METTL25: variants seen among roughly 807,000 people sequenced by gnomAD.
METTL25 encodes methyltransferase like 25, also known as probable methyltransferase-like protein 25.
In METTL25, 64 loss-of-function variants were observed where a neutral mutation model predicts 71.6. The ratio of observed to expected loss-of-function variants is 0.89; its 90% CI spans 0.73 to 1.10. The LOEUF is 1.10. Among genes scored for constraint, METTL25 ranks in the 50% least tolerant of loss-of-function variants. The pLI is 0.00. For missense variants in METTL25, 807 were observed against 707.0 expected (o/e 1.14, Z -1.60); for synonymous variants, 287 against 250.3 (o/e 1.15, Z -1.38).
At position 82,423,410 on chromosome 12, in the gene METTL25, T is replaced by C. The variant is rs185276595; in HGVS notation, c.1280-7483T>C. ...ATTAATTCAAGATGGATTAAAGACT[T>C]ACATGTTAGACCGAAAACCATAAAA... On this transcript the variant is annotated intron_variant, in intron 5 of 11. Transcript: ENST00000248306. Among the ~76,000 whole-genome samples, 1,191 of 152,260 alleles carry C rather than the reference T, an allele frequency of 7.8e-3. 12 individuals are homozygous for C. The highest frequency in any genetic ancestry group is 0.027 in the African/African-American group (1,126 of 41,522).
intron 1 of METTL25, among the ~76,000 whole-genome samples, chr12:82,377,771 A>G (rs531982838): frequency 1.3e-5 from 2 of 152,324 alleles, no homozygotes; most frequent in South Asian, 2.1e-4. Context: ...AGTAATGTTA[A>G]TATCTTAGGT....
Position 82,404,036 on chromosome 12 carries a change from G to C in METTL25, c.1279+906G>C, listed in dbSNP as rs201520598. On this transcript the variant is annotated intron_variant, in intron 5 of 11. Coordinates refer to ENST00000248306, the MANE Select transcript of METTL25 (RefSeq NM_032230.3). ...ATTTCTTATTTAGTCATGCCCAGGA[G>C]GTAAACATTGTAATTGTTTAATTTT... is the stretch of plus-strand genomic sequence containing the variant. Among the ~76,000 whole-genome samples the C allele has an allele frequency of 3.4e-4, 51 of 152,114 alleles. No homozygotes were observed. In the East Asian group the frequency reaches 8.9e-3, roughly 27 times the overall value.
chr12:82,368,654 C>T (rs902394336), intron 1 of METTL25, among the ~76,000 whole-genome samples: 6 of 152,100 alleles, frequency 3.9e-5, no homozygotes, highest in African/African-American at 1.4e-4. Flanking sequence ...AGTTATAAGT[C>T]AATTGAATAA....
At chr12:82,407,448 A>G (rs373034423) in intron 5 of METTL25, among the ~76,000 whole-genome samples, 1 of 152,244 alleles carries the variant, frequency 6.6e-6, no homozygotes, top group African/African-American at 2.4e-5. Context: ...TTCCCTCCCT[A>G]TAGGAATAGT....
intron 1 of METTL25, among the ~76,000 whole-genome samples, chr12:82,362,602 G>T (rs1882077997): frequency 6.6e-6 from 1 of 152,160 alleles, no homozygotes; most frequent in South Asian, 2.1e-4. Flanking sequence ...CATAAAACTT[G>T]TAGGCTGTAC....
chr12:82,424,950 T>C (rs775023388), intron 5 of METTL25, among the ~76,000 whole-genome samples: 17 of 152,106 alleles, frequency 1.1e-4, no homozygotes, highest in Admixed American at 7.9e-4. Context: ...AGCTTGATTT[T>C]GGACTGCTGG....
intron 3 of METTL25, among the ~76,000 whole-genome samples, chr12:82,394,382 C>A (rs1885891218): frequency 6.6e-6 from 1 of 151,936 alleles, no homozygotes; most frequent in Non-Finnish European, 1.5e-5. Context: ...AAATACATAA[C>A]CTTATTGGTG....
chr12:82,375,894 A>T (rs1883804050), intron 1 of METTL25, among the ~76,000 whole-genome samples: 1 of 152,238 alleles, frequency 6.6e-6, no homozygotes, highest in African/African-American at 2.4e-5. Context: ...TTAGCATTTT[A>T]TCAGTATGAA....
rs140840140 is a variant in METTL25, at chr12:82,467,438, A to G, written c.1573-9206A>G. On this transcript the variant is annotated intron_variant, in intron 9 of 11. Transcript: ENST00000248306. ...CACTTCCAGATGTAAGACTCATTTG[A>G]GTACTTTTAAAGGCCAGTCTAAGGG... Among the ~76,000 whole-genome samples, 390 of 152,052 alleles carry G rather than the reference A, an allele frequency of 2.6e-3. 2 individuals carry two copies. Among genetic ancestry groups the G allele is most frequent in the African/African-American group, 8.9e-3 (368 of 41,484 alleles).
At chr12:82,431,121 TA>T in intron 6 of METTL25, 134 bp downstream of exon 6, 1 of 457,548 alleles carries the variant, frequency 2.2e-6, no homozygotes, top group East Asian at 3.3e-5. Flanking sequence ...TTGGAAATTA[TA>T]AGAAAAAAAT....
chr12:82,440,747 C>A (rs911874432), intron 8 of METTL25, among the ~76,000 whole-genome samples: 1 of 151,994 alleles, frequency 6.6e-6, no homozygotes, highest in Non-Finnish European at 1.5e-5. Flanking sequence ...TTAGGACTAA[C>A]CTCACTTCTG....
intron 1 of METTL25, among the ~76,000 whole-genome samples, chr12:82,385,076 A>G (rs1592622072): frequency 6.6e-6 from 1 of 152,212 alleles, no homozygotes; most frequent in Non-Finnish European, 1.5e-5. Flanking sequence ...ATCATTCACA[A>G]CATATATCTT....
At position 82,478,940 on chromosome 12, in the gene METTL25, T is replaced by A. The variant is rs778243606; in HGVS notation, c.1728T>A (p.Ile576=). The change falls in exon 12 of 12, where the codon ATT becomes ATA. Residue 576 remains isoleucine (I), a synonymous_variant. Transcript: ENST00000248306. ...CACTTATTAATTTACAGGAAGATAT[T>A]GCATGGTCTGCTCTTGTGAAGTTGT... ...RLCYLKEQED[I]AWSALVKLFD... The A allele has an allele frequency of 4.3e-6, 7 of 1,611,060 alleles. No homozygotes were observed. In the Admixed American group the frequency reaches 1.2e-4, roughly 27 times the overall value.
intron 9 of METTL25, among the ~76,000 whole-genome samples, chr12:82,461,648 G>A (rs1891886704): frequency 6.6e-6 from 1 of 151,926 alleles, no homozygotes; most frequent in African/African-American, 2.4e-5. Context: ...ATTCATGCTT[G>A]TCAACAGACA....
chr12:82,461,558 A>G (rs1246545290), intron 9 of METTL25, among the ~76,000 whole-genome samples: 1 of 152,232 alleles, frequency 6.6e-6, no homozygotes, highest in East Asian at 1.9e-4. Flanking sequence ...ATGGAGCACA[A>G]GAATGCTTGT....
chr12:82,435,800 G>T (rs187950204), intron 7 of METTL25, among the ~76,000 whole-genome samples: 4 of 151,386 alleles, frequency 2.6e-5, no homozygotes, highest in African/African-American at 9.7e-5. Flanking sequence ...AATGCCAACT[G>T]TTGTTGCTGT....
intron 1 of METTL25, among the ~76,000 whole-genome samples, chr12:82,363,649 A>C (rs1882216581): frequency 3.9e-5 from 6 of 152,088 alleles, no homozygotes; most frequent in Admixed American, 3.3e-4. Flanking sequence ...AACAACCACC[A>C]CAAATCCTTA....
chr12:82,396,928 G>T (rs1886134816), intron 3 of METTL25, among the ~76,000 whole-genome samples: 1 of 152,026 alleles, frequency 6.6e-6, no homozygotes. Context: ...TTAATGCCTT[G>T]TTCCATTTTA....
rs1415199974 is a variant in METTL25 at position 82,358,535 on chromosome 12, G to A, written c.-31G>A. On this transcript the variant is annotated 5_prime_UTR_variant, in exon 1 of 12. Coordinates refer to ENST00000248306, the MANE Select transcript of METTL25 (RefSeq NM_032230.3). ...GAGCTGGCGCCTCACGGCCATGTTT[G>A]CGCCACCTACAGCCTCGGAGGGTGA... The A allele has an allele frequency of 6.2e-7, 1 of 1,602,642 alleles. No individual in the cohort carries two copies. The highest frequency in any genetic ancestry group is 1.1e-5 in the South Asian group (1 of 90,962).
Sources: gnomAD v4.1 joint callset for allele counts (sites outside exome capture counted in the v4.1 genomes callset) on GRCh38, gnomAD v4.1.1 for gene constraint, MANE v1.5 for transcripts, NCBI Gene and HGNC (gene_info 2026-07-23, HGNC 2026-07-21) for gene names.